LINGO2: variants seen among roughly 807,000 people sequenced by gnomAD.
LINGO2 encodes leucine rich repeat and Ig domain containing 2, also known as leucine-rich repeat and immunoglobulin-like domain-containing nogo receptor-interacting protein 2.
Under a neutral mutation model 30.6 loss-of-function variants are expected in LINGO2, and 14 were observed. That is an observed-to-expected ratio of 0.46 (90% CI 0.30 to 0.72). The LOEUF (loss-of-function observed/expected upper bound fraction) is 0.72, where lower values mean the gene tolerates loss of function less well. Among genes scored for constraint, LINGO2 ranks in the 30% least tolerant of loss-of-function variants. The probability of loss-of-function intolerance (pLI) is 0.07; values close to 1 mark genes in which losing one functional copy is unlikely to be tolerated. For missense variants in LINGO2, 729 were observed against 751.7 expected (o/e 0.97, Z 0.35); for synonymous variants, 317 against 288.5 (o/e 1.10, Z -1.00).
intron 4 of LINGO2, among the ~76,000 whole-genome samples, chr9:28,107,350 TG>T (rs1826626183): frequency 6.6e-6 from 1 of 152,174 alleles, no homozygotes; most frequent in African/African-American, 2.4e-5. Context: ...ATCTTTATTT[TG>T]TCCATTTTTC....
chr9:29,178,904 A>C, the LINGO2 span, among the ~76,000 whole-genome samples: 1 of 151,836 alleles, frequency 6.6e-6, no homozygotes, highest in Non-Finnish European at 1.5e-5. Flanking sequence ...GAGCAGGAAG[A>C]CCACTTGAAC....
At chr9:27,986,101 T>C (rs1403766442) in intron 5 of LINGO2, among the ~76,000 whole-genome samples, 1 of 151,594 alleles carries the variant, frequency 6.6e-6, no homozygotes, top group Non-Finnish European at 1.5e-5. Context: ...GAAATTGGTT[T>C]AGGCTGAATT....
the LINGO2 span, among the ~76,000 whole-genome samples, chr9:29,077,974 A>G: frequency 6.6e-6 from 1 of 151,990 alleles, no homozygotes; most frequent in Non-Finnish European, 1.5e-5. Context: ...GAATATCCAA[A>G]TGATTGCTTT....
chr9:29,052,959 TG>T, the LINGO2 span, among the ~76,000 whole-genome samples: 1 of 152,266 alleles, frequency 6.6e-6, no homozygotes, highest in Non-Finnish European at 1.5e-5. Context: ...TTGTTTTTTT[TG>T]AAATCCAAAA....
At chr9:28,676,680 G>A in the LINGO2 span, among the ~76,000 whole-genome samples, 1 of 152,096 alleles carries the variant, frequency 6.6e-6, no homozygotes, top group South Asian at 2.1e-4. Flanking sequence ...CTTCACTGTG[G>A]ATTGCTTTGG....
At chr9:28,110,057 A>C (rs1167914472) in intron 4 of LINGO2, among the ~76,000 whole-genome samples, 1 of 152,178 alleles carries the variant, frequency 6.6e-6, no homozygotes, top group Non-Finnish European at 1.5e-5. Context: ...ATCTAGGACA[A>C]TGGAACAGAA....
At chr9:28,019,803 A>G (rs182211147) in intron 4 of LINGO2, among the ~76,000 whole-genome samples, 1 of 152,146 alleles carries the variant, frequency 6.6e-6, no homozygotes, top group Non-Finnish European at 1.5e-5. Context: ...TTTAAGCCTC[A>G]GTTTTTTCAC....
chr9:28,014,666 T>C (rs1470983029), intron 4 of LINGO2, among the ~76,000 whole-genome samples: 1 of 152,212 alleles, frequency 6.6e-6, no homozygotes, highest in Admixed American at 6.5e-5. Flanking sequence ...AGTTTTTATG[T>C]AGACAAGTTT....
the LINGO2 span, among the ~76,000 whole-genome samples, chr9:28,717,995 G>A: frequency 1.3e-5 from 2 of 151,968 alleles, no homozygotes; most frequent in Non-Finnish European, 2.9e-5. Flanking sequence ...AAATAAGGCA[G>A]TGTCCCCAAG....
At chr9:27,965,426 A>G (rs1426275607) in intron 5 of LINGO2, among the ~76,000 whole-genome samples, 2 of 151,662 alleles carry the variant, frequency 1.3e-5, no homozygotes, top group Non-Finnish European at 2.9e-5. Flanking sequence ...AAAAATAGAA[A>G]AAAAAAAAAC....
chr9:28,325,362 C>A (rs376689722), intron 3 of LINGO2, among the ~76,000 whole-genome samples: 1 of 152,006 alleles, frequency 6.6e-6, no homozygotes, highest in Non-Finnish European at 1.5e-5. Context: ...AAAGATAGAA[C>A]CCCTATCTCC....
intron 1 of LINGO2, among the ~76,000 whole-genome samples, chr9:28,477,693 T>C (rs538402263): frequency 6.6e-6 from 1 of 152,320 alleles, no homozygotes; most frequent in Non-Finnish European, 1.5e-5. Flanking sequence ...CCTTAGAATA[T>C]AGCAAGAGCT....
At position 28,556,488 on chromosome 9, in the gene LINGO2, C is replaced by A. The variant is rs1039372158; in HGVS notation, c.-364-80463G>T. ...AGAACGACAAACCACTGCTCAACGA[C>A]ATAAAAGAGGATACAAACAAATGGA... On this transcript the variant is annotated intron_variant, in intron 1 of 5. Transcript: ENST00000379992. Among the ~76,000 whole-genome samples, 886 of 151,942 alleles carry A rather than the reference C, an allele frequency of 5.8e-3. 3 individuals are homozygous for A. The highest frequency in any genetic ancestry group is 0.012 in the Admixed American group (186 of 15,246).
At chr9:28,293,836 C>T (rs1438906143) in intron 4 of LINGO2, among the ~76,000 whole-genome samples, 3 of 152,160 alleles carry the variant, frequency 2.0e-5, no homozygotes, top group African/African-American at 7.2e-5. Flanking sequence ...AAAGTATTTT[C>T]GCTACAGTTA....
chr9:28,257,656 G>T (rs564445996), intron 4 of LINGO2, among the ~76,000 whole-genome samples: 1 of 151,764 alleles, frequency 6.6e-6, no homozygotes, highest in African/African-American at 2.4e-5. Flanking sequence ...CTCCACCTGC[G>T]TTTCAGCAAT....
intron 4 of LINGO2, among the ~76,000 whole-genome samples, chr9:28,181,641 C>A (rs762279796): frequency 6.6e-6 from 1 of 152,156 alleles, no homozygotes; most frequent in Non-Finnish European, 1.5e-5. Context: ...AAATTGACAG[C>A]AAAGACCCTG....
chr9:29,033,975 C>T, the LINGO2 span, among the ~76,000 whole-genome samples: 1 of 151,590 alleles, frequency 6.6e-6, no homozygotes, highest in Non-Finnish European at 1.5e-5. Context: ...TCAGCTATTT[C>T]GGAGGCTGAA....
At chr9:28,862,723 G>T in the LINGO2 span, among the ~76,000 whole-genome samples, 1 of 152,094 alleles carries the variant, frequency 6.6e-6, no homozygotes, top group African/African-American at 2.4e-5. Flanking sequence ...AGTTTTCATA[G>T]TTCTGACAGT....
chr9:28,367,483 CCTT>C (rs1820722714), intron 3 of LINGO2, among the ~76,000 whole-genome samples: 2 of 151,938 alleles, frequency 1.3e-5, no homozygotes, highest in South Asian at 4.2e-4. Flanking sequence ...AATGTTATCT[CCTT>C]CTTATATTCA....
Sources: allele counts gnomAD v4.1 joint callset (sites outside exome capture counted in the v4.1 genomes callset), GRCh38; gene constraint gnomAD v4.1.1; transcripts MANE v1.5; gene names NCBI Gene and HGNC (gene_info 2026-07-23, HGNC 2026-07-21).